PCBP3: variants seen among roughly 807,000 people sequenced by gnomAD.
The protein encoded by PCBP3 is poly(rC) binding protein 3, also known as poly(rC)-binding protein 3.
PCBP3 carries 25 observed loss-of-function variants against 52.7 expected under a neutral mutation model. The observed-to-expected ratio is 0.47, with a 90% CI of 0.35 to 0.66. PCBP3 has a LOEUF of 0.66. Among genes scored for constraint, PCBP3 ranks in the 30% least tolerant of loss-of-function variants. The pLI is 0.01. For missense variants in PCBP3, 391 were observed against 490.3 expected, an observed-to-expected ratio of 0.80 and a Z score of 1.91; for synonymous variants, 162 against 183.0, an observed-to-expected ratio of 0.89 and a Z score of 0.93.
chr21:45,738,260 T>G (rs1239885290), intron 3 of PCBP3, among the ~76,000 whole-genome samples: 1 of 150,954 alleles, frequency 6.6e-6, no homozygotes, highest in African/African-American at 2.4e-5. Flanking sequence ...TCTTAGAGTT[T>G]TTTTTTTTTT....
At chr21:45,931,097 A>G (rs929306216) in intron 15 of PCBP3, among the ~76,000 whole-genome samples, 1 of 152,222 alleles carries the variant, frequency 6.6e-6, no homozygotes, top group African/African-American at 2.4e-5. Context: ...TAGAGGTCTC[A>G]CCATGGTGTG....
At position 45,736,370 on chromosome 21, in the gene PCBP3, G is replaced by A. The variant is rs537263505; in HGVS notation, c.-162+941G>A. Among the ~76,000 whole-genome samples the A allele has an allele frequency of 3.9e-5, 6 of 152,334 alleles. No homozygotes were observed. The highest frequency in any genetic ancestry group is 5.9e-5 in the Non-Finnish European group (4 of 68,034). ...AGAAGAGCTGCCTTGTTGATGGGAC[G>A]TGGGTCGGAGCTCCCAGTGTGTCTT... On this transcript the variant is annotated intron_variant, in intron 3 of 17. Coordinates refer to ENST00000681687, the MANE Select transcript of PCBP3 (RefSeq NM_001384156.1). The surrounding 1 kb of genome is among the most constrained non-coding windows in gnomAD (Gnocchi z 4.6).
At chr21:45,878,804 A>G (rs904247989) in intron 5 of PCBP3, among the ~76,000 whole-genome samples, 5 of 152,212 alleles carry the variant, frequency 3.3e-5, no homozygotes, top group Admixed American at 6.5e-5. Context: ...ATAGGAAGAA[A>G]TAGGAACCCT....
At position 45,814,674 on chromosome 21, in the gene PCBP3, G is replaced by A. The variant is rs139688543; in HGVS notation, c.-125-35287G>A. Among the ~76,000 whole-genome samples, 196 of 91,506 alleles carry A rather than the reference G, an allele frequency of 2.1e-3. 6 individuals are homozygous for A. The highest frequency in any genetic ancestry group is 6.8e-3 in the African/African-American group (167 of 24,438). 60.0% of individuals were successfully genotyped at this position (91,506 alleles called of 152,430 possible). On this transcript the variant is annotated intron_variant, in intron 4 of 17. Coordinates refer to ENST00000681687, the MANE Select transcript of PCBP3 (RefSeq NM_001384156.1). ...GTGAGTGAGTGGTGAGTGATGAGTGGTGAGTGGTGAGTGAGTGGTGAGTGA... is the reference window on the plus strand; with the variant it reads ...GTGAGTGAGTGGTGAGTGATGAGTGATGAGTGGTGAGTGAGTGGTGAGTGA...
At position 45,793,685 on chromosome 21, in the gene PCBP3, G is replaced by A. The variant is rs561337034; in HGVS notation, c.-126+38233G>A. 2.0e-5 allele frequency among the ~76,000 whole-genome samples: 3 copies of A among 152,190 alleles called. No homozygotes were observed. The East Asian group carries it at 5.8e-4, about 29-fold the overall frequency. ...CCACAGGGGCTCTGCAGGAGGAGAC[G>A]GGAGGCGATAGCCCCTGCAAAGCTC... On this transcript the variant is annotated intron_variant, in intron 4 of 17. Coordinates refer to ENST00000681687, the MANE Select transcript of PCBP3 (RefSeq NM_001384156.1).
intron 9 of PCBP3, among the ~76,000 whole-genome samples, chr21:45,902,522 G>A (rs1241280042): frequency 6.6e-6 from 1 of 152,228 alleles, no homozygotes; most frequent in Non-Finnish European, 1.5e-5. Context: ...TCTTTCTGTT[G>A]CTGAGTCATC....
chr21:45,812,067 C>T (rs2092700276), intron 4 of PCBP3, among the ~76,000 whole-genome samples: 1 of 152,102 alleles, frequency 6.6e-6, no homozygotes, highest in South Asian at 2.1e-4. Context: ...TTCACTCAAA[C>T]TTATATTACA....
rs140694241 is a variant in PCBP3, at chr21:45,940,275, C to T, written c.1079+76C>T. 1.0e-3 allele frequency: 1,347 copies of T among 1,344,250 alleles called. 16 individuals carry two copies. In the East Asian group the frequency reaches 0.028, roughly 28 times the overall value. The allele number at this position is 1,344,250 out of a possible 1,614,324, so 83.3% of individuals were successfully genotyped here. ...GCCGGCGTTACATCACCTGGACGGT[C>T]GGGGGGTGGGAGGAGGCACAGTCTG... On this transcript the variant is annotated intron_variant, in intron 17 of 17. Coordinates refer to ENST00000681687, the MANE Select transcript of PCBP3 (RefSeq NM_001384156.1).
At chr21:45,714,869 T>C (rs1348087766) in intron 2 of PCBP3, among the ~76,000 whole-genome samples, 1 of 152,212 alleles carries the variant, frequency 6.6e-6, no homozygotes, top group Non-Finnish European at 1.5e-5. Context: ...GCACATAATA[T>C]GACCCACCGA....
At chr21:45,910,831 G>A (rs182451418) in intron 10 of PCBP3, 71 bp from the exon 11 acceptor site, 110 of 1,486,744 alleles carry the variant, frequency 7.4e-5, no homozygotes, top group South Asian at 4.8e-4. Context: ...CTTGGGTGCC[G>A]AGACTCGGGA....
Position 45,817,122 on chromosome 21 carries a change from G to C in PCBP3, c.-125-32839G>C, listed in dbSNP as rs1337998532. 6.6e-6 allele frequency among the ~76,000 whole-genome samples: 1 copy of C among 152,190 alleles called. No individual in the cohort carries two copies. Among genetic ancestry groups the C allele is most frequent in the Non-Finnish European group, 1.5e-5 (1 of 68,030 alleles). On this transcript the variant is annotated intron_variant, in intron 4 of 17. Transcript: ENST00000681687. The surrounding 1 kb of genome is among the most constrained non-coding windows in gnomAD (Gnocchi z 4.3). ...AAGAATTTGGGGTGTTGTGTTTGTTGTTTTTGGTTTTTATTTCTGCAGGCA... is the reference window on the plus strand; with the variant it reads ...AAGAATTTGGGGTGTTGTGTTTGTTCTTTTTGGTTTTTATTTCTGCAGGCA...
chr21:45,646,053 T>TTTTCTCTCTCTCTCTCTCTCTCTC (rs1487044677), intron 1 of PCBP3, among the ~76,000 whole-genome samples: 1 of 71,452 alleles, frequency 1.4e-5, no homozygotes, highest in African/African-American at 4.7e-5. Context: ...TGTCACCTGT[T>TTTTCTCTCTCTCTCTCTCTCTCTC]TCTCTCTCTC....
Position 45,805,613 on chromosome 21 carries a change from T to G in PCBP3, c.-125-44348T>G, listed in dbSNP as rs117952442. 2.5e-3 allele frequency among the ~76,000 whole-genome samples: 385 copies of G among 152,314 alleles called. 1 individual carries two copies. Among genetic ancestry groups the G allele is most frequent in the Non-Finnish European group, 4.7e-3 (323 of 68,010 alleles). ...AGGGGACCTTGAAGATAATGCTTCC[T>G]GTCTGCTTTTGTGTCAACAGTTGGG... On this transcript the variant is annotated intron_variant, in intron 4 of 17. Coordinates refer to ENST00000681687, the MANE Select transcript of PCBP3 (RefSeq NM_001384156.1). This position sits in a 1 kb window ranked among gnomAD's most constrained non-coding sequence, Gnocchi z 4.6.
At chr21:45,749,670 CAGAG>C (rs1166697869) in intron 3 of PCBP3, 2 of 152,208 alleles carry the variant, frequency 1.3e-5, no homozygotes, top group Admixed American at 6.5e-5. Context: ...AATTAAGAGA[CAGAG>C]AGCACGTGGA....
At chr21:45,662,138 AT>A (rs1264670739) in intron 1 of PCBP3, among the ~76,000 whole-genome samples, 3 of 151,790 alleles carry the variant, frequency 2.0e-5, no homozygotes, top group African/African-American at 7.3e-5. Context: ...TTAAGTTATT[AT>A]TAAGTCCCAT....
chr21:45,691,828 C>T (rs2082499563), intron 2 of PCBP3, among the ~76,000 whole-genome samples: 1 of 152,096 alleles, frequency 6.6e-6, no homozygotes, highest in African/African-American at 2.4e-5. Context: ...CAAGGTACTA[C>T]TATAATTGAC....
Position 45,917,446 on chromosome 21 carries a change from T to C in PCBP3, c.676-142T>C. The C allele has an allele frequency of 1.5e-6, 1 of 670,140 alleles. No individual in the cohort carries two copies. Among genetic ancestry groups the C allele is most frequent in the Non-Finnish European group, 2.6e-6 (1 of 381,206 alleles). The allele number at this position is 670,140 out of a possible 1,614,324, so 41.5% of individuals were successfully genotyped here. The stretch of plus-strand genomic sequence containing the variant: ...TGGTGCCCTGGGAGGGTTGGCCCTT[T>C]GTCCTAGGATGGGGACAGGTGGAGA... On this transcript the variant is annotated intron_variant, in intron 12 of 17. Coordinates refer to ENST00000681687, the MANE Select transcript of PCBP3 (RefSeq NM_001384156.1). This position sits in a 1 kb window ranked among gnomAD's most constrained non-coding sequence, Gnocchi z 5.3.
intron 4 of PCBP3, among the ~76,000 whole-genome samples, chr21:45,767,451 GT>G (rs530084958): frequency 4.5e-4 from 69 of 152,238 alleles, no homozygotes; most frequent in African/African-American, 1.5e-3. Flanking sequence ...AGTGACATTG[GT>G]TTTTTTCCTG....
At chr21:45,910,812 C>T (rs936376926) in intron 10 of PCBP3, 90 bp from the exon 11 acceptor site, 10 of 1,339,494 alleles carry the variant, frequency 7.5e-6, no homozygotes, top group East Asian at 4.7e-5. Context: ...GAAGTGTCCC[C>T]CGAGCTGCCT....
Sources: allele counts gnomAD v4.1 joint callset (sites outside exome capture counted in the v4.1 genomes callset), GRCh38; gene constraint gnomAD v4.1.1; non-coding constraint Gnocchi (gnomAD v3.1); transcripts MANE v1.5; gene names NCBI Gene and HGNC (gene_info 2026-07-23, HGNC 2026-07-21).